The following SKAP1 variants were observed in gnomAD, a reference collection of about 807,000 sequenced individuals.
SKAP1 encodes the protein src kinase-associated phosphoprotein 1.
A neutral mutation model predicts 58.5 loss-of-function variants in SKAP1; 44 were observed. The ratio of observed to expected loss-of-function variants is 0.75; its 90% CI spans 0.59 to 0.97. The LOEUF is 0.97. SKAP1 is among the 50% of genes least tolerant of loss of function. SKAP1 has a pLI of 0.00. For missense variants in SKAP1, 390 were observed against 435.2 expected (o/e 0.90, Z 0.92); for synonymous variants, 127 against 149.7 (o/e 0.85, Z 1.11).
At chr17:48,321,252 T>A (rs2066358484) in intron 4 of SKAP1, among the ~76,000 whole-genome samples, 1 of 152,046 alleles carries the variant, frequency 6.6e-6, no homozygotes, top group African/African-American at 2.4e-5. Flanking sequence ...ATGTAACTTG[T>A]TCAAGATAGA....
At chr17:48,141,969 C>T (rs146258964) in intron 11 of SKAP1, among the ~76,000 whole-genome samples, 222 of 152,220 alleles carry the variant, frequency 1.5e-3, no homozygotes, top group African/African-American at 5.2e-3. Context: ...TGTGGGGTCC[C>T]GGTTACACGG....
At chr17:48,370,387 C>T (rs1405102576) in intron 2 of SKAP1, among the ~76,000 whole-genome samples, 1 of 152,126 alleles carries the variant, frequency 6.6e-6, no homozygotes, top group East Asian at 1.9e-4. Flanking sequence ...CTTACTGCAG[C>T]CTCAACTTCC....
intron 4 of SKAP1, among the ~76,000 whole-genome samples, chr17:48,257,248 A>G (rs1457020379): frequency 6.6e-6 from 1 of 152,082 alleles, no homozygotes; most frequent in Non-Finnish European, 1.5e-5. Context: ...TTCCTGACTT[A>G]CTGTTCTCCA....
chr17:48,258,172 C>T (rs1009414629), intron 4 of SKAP1, among the ~76,000 whole-genome samples: 1 of 152,120 alleles, frequency 6.6e-6, no homozygotes, highest in African/African-American at 2.4e-5. Context: ...TCTGATGGTG[C>T]TTTTGATACT....
At chr17:48,394,825 T>C (rs1484482463) in intron 2 of SKAP1, among the ~76,000 whole-genome samples, 1 of 152,182 alleles carries the variant, frequency 6.6e-6, no homozygotes, top group African/African-American at 2.4e-5. Flanking sequence ...GAATGATGAT[T>C]GAATGGGTGG....
chr17:48,188,914 C>T (rs915906175), intron 5 of SKAP1, among the ~76,000 whole-genome samples: 21 of 152,094 alleles, frequency 1.4e-4, no homozygotes, highest in Non-Finnish European at 2.8e-4. Flanking sequence ...ACAGCAGAAT[C>T]GCTTGAACCA....
At chr17:48,385,392 T>C (rs879650226) in intron 2 of SKAP1, among the ~76,000 whole-genome samples, 2 of 152,002 alleles carry the variant, frequency 1.3e-5, no homozygotes, top group Admixed American at 6.6e-5. Context: ...ATGATTTTAT[T>C]AATATTAGGA....
intron 2 of SKAP1, among the ~76,000 whole-genome samples, chr17:48,381,376 T>C: frequency 6.6e-6 from 1 of 152,218 alleles, no homozygotes; most frequent in East Asian, 1.9e-4. Context: ...CAAAAATGCC[T>C]AAACTTTATC....
chr17:48,302,312 AT>A (rs67046133), intron 4 of SKAP1, among the ~76,000 whole-genome samples: 31,574 of 151,030 alleles, frequency 0.21, 3,418 homozygotes, highest in Non-Finnish European at 0.24. Context: ...AATAAATATG[AT>A]TTTTTTTTTC....
intron 2 of SKAP1, 131 bp downstream of exon 2, chr17:48,396,549 T>C (rs1244244512): frequency 9.2e-6 from 5 of 543,988 alleles, no homozygotes; most frequent in Non-Finnish European, 1.6e-5. Context: ...TTCAATTCAG[T>C]AAATATTTAT....
At chr17:48,400,300 C>T (rs983284856) in intron 1 of SKAP1, among the ~76,000 whole-genome samples, 2 of 151,706 alleles carry the variant, frequency 1.3e-5, no homozygotes, top group African/African-American at 2.4e-5. Context: ...GGTTTCTCCT[C>T]GTTAGCTAGG....
At chr17:48,284,158 A>G (rs894866879) in intron 4 of SKAP1, among the ~76,000 whole-genome samples, 3 of 152,206 alleles carry the variant, frequency 2.0e-5, no homozygotes, top group African/African-American at 7.2e-5. Context: ...TGACTGGCCA[A>G]TTCAACTCCA....
chr17:48,321,968 T>G (rs2066373927), intron 4 of SKAP1, among the ~76,000 whole-genome samples: 1 of 152,260 alleles, frequency 6.6e-6, no homozygotes, highest in Non-Finnish European at 1.5e-5. Flanking sequence ...TTCCTACCTG[T>G]GCAGCCTATG....
At chr17:48,409,840 C>A (rs1041607111) in intron 1 of SKAP1, among the ~76,000 whole-genome samples, 2 of 152,044 alleles carry the variant, frequency 1.3e-5, no homozygotes, top group Non-Finnish European at 2.9e-5. Flanking sequence ...ACCTATAGAA[C>A]TTTAAAACAC....
intron 2 of SKAP1, among the ~76,000 whole-genome samples, chr17:48,373,409 A>G (rs2067111719): frequency 6.6e-6 from 1 of 152,162 alleles, no homozygotes; most frequent in Middle Eastern, 3.2e-3. Context: ...TCAAGATGAG[A>G]TTTGGGTGGG....
upstream of SKAP1, among the ~76,000 whole-genome samples, chr17:48,431,607 T>C (rs1391324506): frequency 6.6e-6 from 1 of 152,206 alleles, no homozygotes; most frequent in Non-Finnish European, 1.5e-5. Context: ...GAGAGGGCAC[T>C]GGGGAGCCAT....
chr17:48,262,058 T>C (rs1396235483), intron 4 of SKAP1, among the ~76,000 whole-genome samples: 1 of 152,202 alleles, frequency 6.6e-6, no homozygotes, highest in East Asian at 1.9e-4. Flanking sequence ...ATACTGAACA[T>C]ATTGAGACAT....
intron 4 of SKAP1, among the ~76,000 whole-genome samples, chr17:48,209,698 G>T (rs545174278): frequency 1.3e-5 from 2 of 152,324 alleles, no homozygotes; most frequent in South Asian, 4.1e-4. Flanking sequence ...AAGAGAAAGT[G>T]TGAGGGCTGA....
intron 3 of SKAP1, among the ~76,000 whole-genome samples, chr17:48,361,884 C>G (rs12948017): frequency 0.33 from 50,744 of 152,006 alleles, 9,175 homozygotes; most frequent in African/African-American, 0.47. Flanking sequence ...ACCACTTACT[C>G]CTCCTACCCA....
Sources: gnomAD v4.1 joint callset for allele counts (sites outside exome capture counted in the v4.1 genomes callset) on GRCh38, gnomAD v4.1.1 for gene constraint, MANE v1.5 for transcripts, NCBI Gene and HGNC (gene_info 2026-07-23, HGNC 2026-07-21) for gene names.